Variants in NALCN observed in about 807,000 individuals in gnomAD.
The protein encoded by NALCN is sodium leak channel, non-selective, also known as sodium leak channel NALCN.
Under a neutral mutation model 225.3 loss-of-function variants are expected in NALCN, and 111 were observed. The ratio of observed to expected loss-of-function variants is 0.49; its 90% CI spans 0.42 to 0.58. The LOEUF is 0.58. Among genes scored for constraint, NALCN ranks in the 20% least tolerant of loss-of-function variants. NALCN has a pLI of 0.00. For missense variants in NALCN, 1,378 were observed against 2,202.4 expected (o/e 0.63, Z 7.49); for synonymous variants, 764 against 769.0 (o/e 0.99, Z 0.11).
chr13:101,117,586 C>T (rs1239257380), intron 18 of NALCN, among the ~76,000 whole-genome samples: 1 of 152,234 alleles, frequency 6.6e-6, no homozygotes, highest in African/African-American at 2.4e-5. Context: ...TTCTATCTTT[C>T]CCAGAATGCC....
chr13:101,181,376 G>C (rs557213601), intron 14 of NALCN: 1 of 511,272 alleles, frequency 2.0e-6, no homozygotes, highest in Non-Finnish European at 3.9e-6. Context: ...GTTTCTTTCT[G>C]CTAAATTTTT....
intron 6 of NALCN, among the ~76,000 whole-genome samples, chr13:101,347,116 C>T (rs539747038): frequency 6.7e-5 from 10 of 149,714 alleles, no homozygotes; most frequent in South Asian, 2.1e-4. Context: ...GCTGCCACCA[C>T]GCATACACAC....
At chr13:101,382,412 T>C (rs562871165) in intron 3 of NALCN, among the ~76,000 whole-genome samples, 7 of 152,270 alleles carry the variant, frequency 4.6e-5, no homozygotes, top group African/African-American at 1.4e-4. Context: ...TTTTTAAAAA[T>C]AGCTTTTCAA....
intron 12 of NALCN, among the ~76,000 whole-genome samples, chr13:101,233,632 G>A (rs540366883): frequency 1.3e-5 from 2 of 152,200 alleles, no homozygotes; most frequent in East Asian, 1.9e-4. Flanking sequence ...GAGCCACTGC[G>A]CCCAGCCGGG....
intron 37 of NALCN, among the ~76,000 whole-genome samples, chr13:101,070,919 A>G (rs938010485): frequency 8.5e-5 from 13 of 152,220 alleles, no homozygotes; most frequent in African/African-American, 2.9e-4. Flanking sequence ...GAGATTTACA[A>G]TCACGGCGGA....
intron 9 of NALCN, among the ~76,000 whole-genome samples, chr13:101,288,505 C>T (rs2043425735): frequency 6.6e-6 from 1 of 152,120 alleles, no homozygotes; most frequent in Admixed American, 6.5e-5. Flanking sequence ...TTGTATAACC[C>T]ATATTCTAAG....
At chr13:101,102,769 G>C (rs2034891996) in intron 26 of NALCN, among the ~76,000 whole-genome samples, 1 of 152,120 alleles carries the variant, frequency 6.6e-6, no homozygotes, top group Non-Finnish European at 1.5e-5. Context: ...TATTATTTCA[G>C]GAACACACAG....
intron 34 of NALCN, among the ~76,000 whole-genome samples, chr13:101,078,027 C>T (rs899105191): frequency 6.6e-6 from 1 of 152,224 alleles, no homozygotes; most frequent in South Asian, 2.1e-4. Context: ...GCAAGCCCCA[C>T]GACTTGGTGG....
intron 10 of NALCN, among the ~76,000 whole-genome samples, chr13:101,262,657 T>C (rs1393539754): frequency 2.6e-5 from 4 of 152,184 alleles, no homozygotes; most frequent in African/African-American, 7.2e-5. Context: ...AAACTGTTAT[T>C]ACTAAAATGG....
At chr13:101,095,074 T>C (rs2139573544) in intron 28 of NALCN, among the ~76,000 whole-genome samples, 1 of 152,250 alleles carries the variant, frequency 6.6e-6, no homozygotes, top group Admixed American at 6.5e-5. Context: ...AAAAGGAATA[T>C]TAAAGGGAAA....
intron 7 of NALCN, among the ~76,000 whole-genome samples, chr13:101,294,398 A>T (rs764857548): frequency 9.9e-5 from 15 of 152,164 alleles, no homozygotes; most frequent in Non-Finnish European, 1.9e-4. Context: ...TTGATTTGAT[A>T]ATTACACATT....
intron 13 of NALCN, among the ~76,000 whole-genome samples, chr13:101,203,101 A>G (rs1022307409): frequency 2.6e-5 from 4 of 152,266 alleles, no homozygotes; most frequent in African/African-American, 9.6e-5. Context: ...GAATACTTTA[A>G]AAATAATAAA....
intron 13 of NALCN, among the ~76,000 whole-genome samples, chr13:101,205,624 G>C (rs1364173178): frequency 3.3e-5 from 5 of 152,112 alleles, no homozygotes; most frequent in African/African-American, 1.2e-4. Context: ...TATGCAAATA[G>C]GGGACTTTTG....
intron 42 of NALCN, chr13:101,058,757 T>C (rs954951806): frequency 1.3e-5 from 2 of 152,074 alleles, no homozygotes; most frequent in African/African-American, 4.8e-5. Context: ...ATTAGCCCTG[T>C]CTCACTGTCT....
chr13:101,154,342 C>T (rs1402820314), intron 15 of NALCN, among the ~76,000 whole-genome samples: 2 of 152,218 alleles, frequency 1.3e-5, no homozygotes, highest in African/African-American at 2.4e-5. Context: ...ACAACACTTT[C>T]AAGCAATTGG....
chr13:101,278,972 G>GCCTC (rs2043055987), intron 10 of NALCN, among the ~76,000 whole-genome samples: 1 of 152,120 alleles, frequency 6.6e-6, no homozygotes, highest in African/African-American at 2.4e-5. Flanking sequence ...AGAAGGTACT[G>GCCTC]CCTCCTTCTT....
At chr13:101,080,678 AT>A (rs1054070952) in intron 34 of NALCN, among the ~76,000 whole-genome samples, 64 of 146,930 alleles carry the variant, frequency 4.4e-4, no homozygotes, top group African/African-American at 1.5e-3. Context: ...AATAATAAAA[AT>A]ATATACATAC....
intron 13 of NALCN, among the ~76,000 whole-genome samples, chr13:101,208,457 C>T (rs1320318608): frequency 6.6e-6 from 1 of 152,184 alleles, no homozygotes; most frequent in Non-Finnish European, 1.5e-5. Context: ...CCAACAATTC[C>T]GGACACAGTA....
At chr13:101,060,247 GT>G (rs1244044563) in intron 41 of NALCN, among the ~76,000 whole-genome samples, 1 of 88,216 alleles carries the variant, frequency 1.1e-5, no homozygotes, top group Non-Finnish European at 2.5e-5. Flanking sequence ...TTATTTATTT[GT>G]TTTTCTTTTT....
Sources: gnomAD v4.1 joint callset for allele counts (sites outside exome capture counted in the v4.1 genomes callset) on GRCh38, gnomAD v4.1.1 for gene constraint, MANE v1.5 for transcripts, NCBI Gene and HGNC (gene_info 2026-07-23, HGNC 2026-07-21) for gene names.